The following CCDC170 variants were observed in gnomAD, a reference collection of about 807,000 sequenced individuals.
The protein encoded by CCDC170 is coiled-coil domain containing 170, also known as coiled-coil domain-containing protein 170.
CCDC170 carries 69 observed loss-of-function variants against 72.6 expected under a neutral mutation model. That is an observed-to-expected ratio of 0.95 (90% CI 0.78 to 1.16). The LOEUF (loss-of-function observed/expected upper bound fraction) is 1.16, where lower values mean the gene tolerates loss of function less well. Among genes scored for constraint, CCDC170 ranks in the 50% most tolerant of loss-of-function variants. CCDC170 has a pLI of 0.00. For missense variants in CCDC170, 852 were observed against 832.5 expected, an observed-to-expected ratio of 1.02 and a Z score of -0.29; for synonymous variants, 300 against 303.9, an observed-to-expected ratio of 0.99 and a Z score of 0.13.
intron 8 of CCDC170, among the ~76,000 whole-genome samples, chr6:151,593,911 C>T (rs1776583103): frequency 6.6e-6 from 1 of 152,140 alleles, no homozygotes; most frequent in Non-Finnish European, 1.5e-5. Flanking sequence ...AGCCATTTAC[C>T]TAGCTAGAAA....
chr6:151,554,872 GTTTTTT>G (rs1173500486), intron 5 of CCDC170, among the ~76,000 whole-genome samples: 1 of 102,318 alleles, frequency 9.8e-6, no homozygotes, highest in African/African-American at 3.7e-5. Flanking sequence ...TTGGACCTCA[GTTTTTT>G]TTTTTTTTTT....
chr6:151,512,152 G>GTTTTTTTTTTT (rs1247040921), intron 1 of CCDC170, among the ~76,000 whole-genome samples: 1 of 138,398 alleles, frequency 7.2e-6, no homozygotes, highest in African/African-American at 2.9e-5. Flanking sequence ...GCAGTATACC[G>GTTTTTTTTTTT]TTTTTTTTTG....
intron 1 of CCDC170, among the ~76,000 whole-genome samples, chr6:151,518,801 C>G (rs1257189999): frequency 6.6e-6 from 1 of 152,110 alleles, no homozygotes; most frequent in African/African-American, 2.4e-5. Flanking sequence ...CCCACCTGAG[C>G]TGCAAAGCCA....
At chr6:151,518,623 T>A (rs1247524253) in intron 1 of CCDC170, among the ~76,000 whole-genome samples, 1 of 134,226 alleles carries the variant, frequency 7.5e-6, no homozygotes, top group Non-Finnish European at 1.7e-5. Context: ...GATTATGTGA[T>A]AAACAAGGGG....
chr6:151,550,626 A>G (rs1449110926), intron 5 of CCDC170, among the ~76,000 whole-genome samples: 1 of 152,238 alleles, frequency 6.6e-6, no homozygotes, highest in African/African-American at 2.4e-5. Context: ...GCCATAATAC[A>G]GTACCATAGA....
chr6:151,612,540 T>A (rs1314134208), intron 9 of CCDC170, among the ~76,000 whole-genome samples: 1 of 152,176 alleles, frequency 6.6e-6, no homozygotes, highest in Non-Finnish European at 1.5e-5. Context: ...TCTTGCATGA[T>A]TCTAGGTTTC....
intron 5 of CCDC170, among the ~76,000 whole-genome samples, chr6:151,552,473 TC>T (rs1782895909): frequency 2.6e-5 from 4 of 152,170 alleles, no homozygotes; most frequent in African/African-American, 9.7e-5. Context: ...ATTTCGTCAT[TC>T]CTCCCATCTA....
chr6:151,552,111 A>G lies in CCDC170; in HGVS notation c.774+3622A>G, dbSNP rs575807577. Among the ~76,000 whole-genome samples the G allele has an allele frequency of 2.7e-3, 404 of 148,708 alleles. 1 individual carries two copies. Among genetic ancestry groups the G allele is most frequent in the African/African-American group, 9.6e-3 (388 of 40,208 alleles). ...AGAGCAGTGGCCTGATTTTTTCTTCACTGTGTGGTTTAACTTGTTTCTCTA... is the reference window on the plus strand; with the variant it reads ...AGAGCAGTGGCCTGATTTTTTCTTCGCTGTGTGGTTTAACTTGTTTCTCTA... On this transcript the variant is annotated intron_variant, in intron 5 of 10. Transcript: ENST00000239374.
In CCDC170 at chr6:151,620,561, G is replaced by T. The variant is rs575812594; in HGVS notation, c.*2414G>T. The stretch of plus-strand genomic sequence containing the variant: ...GGATCGAAAATCACCTTGAGTGGAG[G>T]AAGTGACTTCACTGGGTCTCTGGAG... On this transcript the variant is annotated 3_prime_UTR_variant, in exon 11 of 11. Transcript: ENST00000239374. The T allele has an allele frequency of 6.6e-6, 1 of 152,288 alleles. No individual in the cohort carries two copies. The highest frequency in any genetic ancestry group is 2.1e-4 in the South Asian group (1 of 4,824). 9.4% of individuals were successfully genotyped at this position (152,288 alleles called of 1,614,324 possible).
intron 1 of CCDC170, among the ~76,000 whole-genome samples, chr6:151,512,537 A>G (rs1239409277): frequency 6.6e-6 from 1 of 152,202 alleles, no homozygotes; most frequent in African/African-American, 2.4e-5. Context: ...GCAGACAAAA[A>G]CATTTACAAA....
Position 151,605,976 on chromosome 6 carries a change from A to G in CCDC170, c.1710+9399A>G, listed in dbSNP as rs11969606. Among the ~76,000 whole-genome samples the G allele has an allele frequency of 8.3e-3, 1,226 of 148,604 alleles. 16 individuals carry two copies. Among genetic ancestry groups the G allele is most frequent in the African/African-American group, 0.028 (1,127 of 40,124 alleles). ...GAGTGCAATGGCGTGATCTCAGCTCACTGCAACCTCTGCCTCCCGGGTTCA... is the reference window on the plus strand; with the variant it reads ...GAGTGCAATGGCGTGATCTCAGCTCGCTGCAACCTCTGCCTCCCGGGTTCA... On this transcript the variant is annotated intron_variant, in intron 9 of 10. Transcript: ENST00000239374.
At chr6:151,496,851 G>T (rs961533383) in intron 1 of CCDC170, among the ~76,000 whole-genome samples, 1 of 152,114 alleles carries the variant, frequency 6.6e-6, no homozygotes, top group African/African-American at 2.4e-5. Flanking sequence ...AAAACTTATC[G>T]CATAACGTAG....
intron 5 of CCDC170, 107 bp from the exon 6 acceptor site, chr6:151,573,067 C>T (rs1776246459): frequency 3.1e-6 from 3 of 969,368 alleles, no homozygotes; most frequent in East Asian, 2.4e-5. Flanking sequence ...ATTAACCCAA[C>T]CCCTTGTAGT....
intron 1 of CCDC170, among the ~76,000 whole-genome samples, chr6:151,496,723 A>G (rs1190522709): frequency 1.3e-5 from 2 of 152,234 alleles, no homozygotes; most frequent in African/African-American, 4.8e-5. Context: ...CTGAGATACT[A>G]GTTTTAGACT....
chr6:151,517,908 G>A (rs906299300), intron 1 of CCDC170, among the ~76,000 whole-genome samples: 3 of 151,276 alleles, frequency 2.0e-5, no homozygotes, highest in Non-Finnish European at 4.4e-5. Flanking sequence ...TTTTCTTTAC[G>A]GCCATTTGCT....
chr6:151,494,664 A>G (rs1781883855), intron 1 of CCDC170, among the ~76,000 whole-genome samples: 1 of 152,046 alleles, frequency 6.6e-6, no homozygotes, highest in Non-Finnish European at 1.5e-5. Flanking sequence ...GAATGCATCT[A>G]CTCATTTACT....
chr6:151,618,128 AT>A lies in CCDC170; in HGVS notation c.2132del (p.Leu711TyrfsTer11). ...TTGQERHPQG[H>X]LQLLH ...GGGCAAGAGAGGCACCCACAAGGCC[AT>A]TTACAGCTTCTTCATTGAACACTGT... is the stretch of plus-strand genomic sequence containing the variant. On this transcript the variant is annotated frameshift_variant, in exon 11 of 11. Coordinates refer to ENST00000239374, the MANE Select transcript of CCDC170 (RefSeq NM_025059.4). LOFTEE classifies it high-confidence loss of function. The A allele has an allele frequency of 6.2e-7, 1 of 1,614,100 alleles. No individual in the cohort carries two copies. The highest frequency in any genetic ancestry group is 1.1e-5 in the South Asian group (1 of 91,062).
chr6:151,544,577 G>A lies in CCDC170; in HGVS notation c.449G>A (p.Cys150Tyr), dbSNP rs1782742659. Reference sequence around the variant, plus strand: ...ATTTGTTATTTGCCTAACAGAAAGTGTTCAAAAGAAAATGAGGAGAATAAG... The same window carrying A: ...ATTTGTTATTTGCCTAACAGAAAGTATTCAAAAGAAAATGAGGAGAATAAG... Reference protein sequence around the residue: ...VVELNEKLQKCSKENEENKKQ... With the variant: ...VVELNEKLQKYSKENEENKKQ... Residue 150 changes from cysteine to tyrosine, a missense_variant, in exon 4 of 11, where the codon TGT (cysteine) becomes TAT (tyrosine). Cys to Tyr is a radical substitution (Grantham distance 194). Transcript: ENST00000239374. The A allele has an allele frequency of 6.2e-7, 1 of 1,611,082 alleles. No individual in the cohort carries two copies. Among genetic ancestry groups the A allele is most frequent in the Non-Finnish European group, 8.5e-7 (1 of 1,177,728 alleles).
chr6:151,558,091 C>T (rs1168104269), intron 5 of CCDC170, among the ~76,000 whole-genome samples: 1 of 152,110 alleles, frequency 6.6e-6, no homozygotes, highest in Non-Finnish European at 1.5e-5. Flanking sequence ...GATCGAGACT[C>T]TATCTTAAAT....
Sources: allele counts gnomAD v4.1 joint callset (sites outside exome capture counted in the v4.1 genomes callset), GRCh38; gene constraint gnomAD v4.1.1; transcripts MANE v1.5; gene names NCBI Gene and HGNC (gene_info 2026-07-23, HGNC 2026-07-21).